MBD5: variants seen among roughly 807,000 people sequenced by gnomAD.
The protein encoded by MBD5 is methyl-CpG-binding domain protein 5.
In MBD5, 13 loss-of-function variants were observed where a neutral mutation model predicts 117.3. The ratio of observed to expected loss-of-function variants is 0.11; its 90% CI spans 0.07 to 0.18. The LOEUF (loss-of-function observed/expected upper bound fraction) is 0.18. Among genes scored for constraint, MBD5 ranks in the 10% least tolerant of loss-of-function variants. MBD5 has a pLI of 1.00. For missense variants in MBD5, 1,879 were observed against 2,093.8 expected (o/e 0.90, Z 2.00); for synonymous variants, 727 against 766.4 (o/e 0.95, Z 0.85).
At chr2:148,419,281 G>A (rs917309493) in intron 4 of MBD5, among the ~76,000 whole-genome samples, 6 of 152,038 alleles carry the variant, frequency 3.9e-5, no homozygotes, top group African/African-American at 1.4e-4. Flanking sequence ...ACAAATTTGG[G>A]AACAAACCCT....
intron 1 of MBD5, among the ~76,000 whole-genome samples, chr2:148,164,406 G>A (rs1054580264): frequency 2.6e-5 from 4 of 152,080 alleles, no homozygotes; most frequent in African/African-American, 9.7e-5. Flanking sequence ...AGGGTCCATA[G>A]AGAAGGGGAC....
chr2:148,340,937 C>G (rs1432157639), intron 3 of MBD5, among the ~76,000 whole-genome samples: 1 of 151,550 alleles, frequency 6.6e-6, no homozygotes, highest in Non-Finnish European at 1.5e-5. Context: ...CTTATAACAC[C>G]TCTATTAGTT....
chr2:148,480,381 C>A (rs1356301564), intron 8 of MBD5, among the ~76,000 whole-genome samples: 1 of 151,992 alleles, frequency 6.6e-6, no homozygotes, highest in Non-Finnish European at 1.5e-5. Context: ...TAAGGAAAGC[C>A]TTCATCTACA....
chr2:148,173,543 G>C (rs1452899658), intron 1 of MBD5, among the ~76,000 whole-genome samples: 1 of 152,138 alleles, frequency 6.6e-6, no homozygotes, highest in Non-Finnish European at 1.5e-5. Context: ...GAGCCCAGTG[G>C]ACCCTAGCAA....
chr2:148,332,243 G>T (rs1241143176), intron 3 of MBD5, among the ~76,000 whole-genome samples: 2 of 151,962 alleles, frequency 1.3e-5, no homozygotes, highest in South Asian at 2.1e-4. Context: ...TAATGATTTT[G>T]TTAAGTTTAA....
intron 3 of MBD5, among the ~76,000 whole-genome samples, chr2:148,246,109 A>G (rs936563410): frequency 6.6e-6 from 1 of 152,212 alleles, no homozygotes; most frequent in East Asian, 1.9e-4. Flanking sequence ...CCTATGCTAC[A>G]TATAGATTAT....
intron 3 of MBD5, among the ~76,000 whole-genome samples, chr2:148,314,163 A>T (rs1370982343): frequency 6.6e-6 from 1 of 151,926 alleles, no homozygotes; most frequent in Non-Finnish European, 1.5e-5. Context: ...AGGAAGTAGA[A>T]AACTGTAAAC....
chr2:148,257,118 T>A (rs1700610032), intron 3 of MBD5, among the ~76,000 whole-genome samples: 1 of 152,180 alleles, frequency 6.6e-6, no homozygotes, highest in Non-Finnish European at 1.5e-5. Flanking sequence ...CTTCCATAGT[T>A]GGGACCAAAA....
intron 3 of MBD5, among the ~76,000 whole-genome samples, chr2:148,261,523 C>T (rs1013523933): frequency 2.0e-5 from 3 of 152,170 alleles, no homozygotes; most frequent in African/African-American, 4.8e-5. Context: ...TCTCAGCCTT[C>T]AGAGAATTGA....
chr2:148,320,497 G>T (rs369532822), intron 3 of MBD5, among the ~76,000 whole-genome samples: 12 of 151,934 alleles, frequency 7.9e-5, no homozygotes, highest in Admixed American at 7.9e-4. Context: ...GGGACTACAG[G>T]TGCATGTGCC....
chr2:148,156,974 G>T (rs1259330898), intron 1 of MBD5, among the ~76,000 whole-genome samples: 3 of 152,074 alleles, frequency 2.0e-5, no homozygotes, highest in African/African-American at 7.2e-5. Context: ...CTTCATAAGT[G>T]CTTGTCCCTA....
chr2:148,055,711 C>T (rs781641440), intron 1 of MBD5: 1 of 152,258 alleles, frequency 6.6e-6, no homozygotes, highest in Non-Finnish European at 1.5e-5. Flanking sequence ...GGATTACAGT[C>T]GTGTGCCACC....
At chr2:148,302,249 T>A (rs1167968229) in intron 3 of MBD5, among the ~76,000 whole-genome samples, 2 of 152,210 alleles carry the variant, frequency 1.3e-5, no homozygotes, top group Non-Finnish European at 2.9e-5. Flanking sequence ...GTGATTTTAG[T>A]TGGATTTGTG....
chr2:148,327,633 T>C lies in MBD5; in HGVS notation c.-679-14581T>C, dbSNP rs1252546652. ...ATACCCTTTCTTCCAGTTGATCGCA[T>C]TGGCTCCTGAGGCTTCTGCATTCTT... On this transcript the variant is annotated intron_variant, in intron 3 of 13. Transcript: ENST00000642680. Among the ~76,000 whole-genome samples, 2 of 151,748 alleles carry C rather than the reference T, an allele frequency of 1.3e-5. 1 individual carries two copies. The highest frequency in any genetic ancestry group is 4.8e-5 in the African/African-American group (2 of 41,310).
At chr2:148,466,169 A>G (rs1707253842) in intron 7 of MBD5, among the ~76,000 whole-genome samples, 1 of 152,136 alleles carries the variant, frequency 6.6e-6, no homozygotes, top group Non-Finnish European at 1.5e-5. Flanking sequence ...AAAAGTTCAG[A>G]AGACTGACTT....
At chr2:148,424,177 CAAAAAAAAA>C (rs56740583) in intron 4 of MBD5, among the ~76,000 whole-genome samples, 3 of 53,434 alleles carry the variant, frequency 5.6e-5, no homozygotes, top group Non-Finnish European at 1.3e-4. Flanking sequence ...GACTCTGTCT[CAAAAAAAAA>C]AAAAAAAAAA....
chr2:148,117,375 A>G (rs1354186165), intron 1 of MBD5, among the ~76,000 whole-genome samples: 1 of 152,108 alleles, frequency 6.6e-6, no homozygotes, highest in Non-Finnish European at 1.5e-5. Flanking sequence ...GTGTAGCCCA[A>G]ATTTATAGCC....
intron 3 of MBD5, among the ~76,000 whole-genome samples, chr2:148,283,819 C>T (rs1450600150): frequency 6.6e-6 from 1 of 152,202 alleles, no homozygotes; most frequent in African/African-American, 2.4e-5. Context: ...AGCACACAAA[C>T]ATAGCTACAC....
intron 3 of MBD5, among the ~76,000 whole-genome samples, chr2:148,288,139 G>A (rs13427917): frequency 0.15 from 22,692 of 151,088 alleles, 2,055 homozygotes; most frequent in Non-Finnish European, 0.18. Flanking sequence ...GGTGGCTCAC[G>A]CCTGTAATCC....
Sources: allele counts gnomAD v4.1 joint callset (sites outside exome capture counted in the v4.1 genomes callset), GRCh38; gene constraint gnomAD v4.1.1; transcripts MANE v1.5; gene names NCBI Gene and HGNC (gene_info 2026-07-23, HGNC 2026-07-21).